Variants in ROBO1 observed in about 807,000 individuals in gnomAD.
ROBO1 encodes the protein roundabout guidance receptor 1.
A neutral mutation model predicts 195.9 loss-of-function variants in ROBO1; 149 were observed. The observed-to-expected ratio is 0.76, with a 90% confidence interval of 0.67 to 0.87. The LOEUF is 0.87. ROBO1 is among the 40% of genes least tolerant of loss of function. ROBO1 has a pLI of 0.00. For missense variants in ROBO1, 1,933 were observed against 2,068.3 expected, an observed-to-expected ratio of 0.93 and a Z score of 1.27; for synonymous variants, 816 against 733.2, an observed-to-expected ratio of 1.11 and a Z score of -1.82.
intron 4 of ROBO1, among the ~76,000 whole-genome samples, chr3:78,923,879 T>C (rs1306324351): frequency 6.6e-6 from 1 of 152,124 alleles, no homozygotes; most frequent in Non-Finnish European, 1.5e-5. Flanking sequence ...TTATGTGGAA[T>C]GAATGAGCTA....
At chr3:79,113,379 G>A (rs917585604) in intron 3 of ROBO1, among the ~76,000 whole-genome samples, 1 of 151,776 alleles carries the variant, frequency 6.6e-6, no homozygotes, top group Non-Finnish European at 1.5e-5. Context: ...CTGGCCCATT[G>A]AGTGAGGTTT....
chr3:78,601,749 C>A (rs1319328433), intron 29 of ROBO1, among the ~76,000 whole-genome samples: 2 of 152,260 alleles, frequency 1.3e-5, no homozygotes, highest in Middle Eastern at 3.4e-3. Context: ...CCACTGAAAT[C>A]TATTTATGCC....
intron 2 of ROBO1, among the ~76,000 whole-genome samples, chr3:79,407,094 G>T (rs770217838): frequency 3.5e-4 from 53 of 151,696 alleles, no homozygotes; most frequent in Non-Finnish European, 6.3e-4. Context: ...AATTTTTTGT[G>T]TGTGTGTATT....
intron 2 of ROBO1, among the ~76,000 whole-genome samples, chr3:79,408,292 A>G (rs2037631681): frequency 6.6e-6 from 1 of 151,930 alleles, no homozygotes; most frequent in South Asian, 2.1e-4. Context: ...ATAAGCAGAG[A>G]TTACATATAA....
chr3:78,717,758 CT>C lies in ROBO1; in HGVS notation c.778+4del. 6.2e-7 allele frequency: 1 copy of C among 1,611,744 alleles called. No individual in the cohort carries two copies. The highest frequency in any genetic ancestry group is 8.5e-7 in the Non-Finnish European group (1 of 1,178,960). On this transcript the variant is annotated splice_donor_region_variant and intron_variant, in intron 6 of 30. Transcript: ENST00000464233. The stretch of plus-strand genomic sequence containing the variant: ...AATGAGAAGATTAAATAAAATTACA[CT>C]TACCTAAGACAGTCAGCTCGGCTAC...
chr3:79,476,692 C>T (rs1201162593), intron 2 of ROBO1, among the ~76,000 whole-genome samples: 1 of 151,724 alleles, frequency 6.6e-6, no homozygotes, highest in Non-Finnish European at 1.5e-5. Flanking sequence ...TGTTCTCACT[C>T]ATAAGTGGAA....
chr3:79,557,610 G>T (rs12714480), intron 2 of ROBO1, among the ~76,000 whole-genome samples: 36,254 of 150,454 alleles, frequency 0.24, 4,998 homozygotes, highest in African/African-American at 0.37. Flanking sequence ...AGTAAACGCC[G>T]GTAATCCTAG....
At chr3:79,252,333 T>C (rs536947219) in intron 2 of ROBO1, among the ~76,000 whole-genome samples, 1 of 152,222 alleles carries the variant, frequency 6.6e-6, no homozygotes, top group East Asian at 1.9e-4. Context: ...AGGGTAAGTG[T>C]CCTTATCTGG....
intron 4 of ROBO1, among the ~76,000 whole-genome samples, chr3:78,918,092 C>A (rs1364310729): frequency 6.6e-6 from 1 of 152,094 alleles, no homozygotes; most frequent in Non-Finnish European, 1.5e-5. Context: ...ATAAGTTAAA[C>A]ATGAAAACAT....
At chr3:79,761,940 T>C (rs1474768772) in intron 1 of ROBO1, among the ~76,000 whole-genome samples, 7 of 152,192 alleles carry the variant, frequency 4.6e-5, no homozygotes, top group African/African-American at 1.7e-4. Flanking sequence ...CCCCCATATA[T>C]TCTATTGTAG....
chr3:79,607,602 G>GTTTTTTTT (rs58634211), intron 1 of ROBO1, among the ~76,000 whole-genome samples: 3 of 147,622 alleles, frequency 2.0e-5, no homozygotes, highest in Non-Finnish European at 1.5e-5. Context: ...GTATTTCCAA[G>GTTTTTTTT]TTTTTTTTTT....
intron 2 of ROBO1, among the ~76,000 whole-genome samples, chr3:79,268,343 G>T (rs539975780): frequency 6.6e-6 from 1 of 151,460 alleles, no homozygotes; most frequent in Non-Finnish European, 1.5e-5. Context: ...TACTATAAAT[G>T]ATATTTAAAA....
At chr3:78,955,997 C>G (rs1017351308) in intron 3 of ROBO1, among the ~76,000 whole-genome samples, 1 of 152,026 alleles carries the variant, frequency 6.6e-6, no homozygotes, top group South Asian at 2.1e-4. Flanking sequence ...GGCTTTAGCT[C>G]TTGCAGATCC....
chr3:79,341,991 G>T (rs776549968), intron 2 of ROBO1, among the ~76,000 whole-genome samples: 15 of 152,098 alleles, frequency 9.9e-5, no homozygotes, highest in Non-Finnish European at 1.8e-4. Context: ...TTTATTACAT[G>T]TTGAGGGAAA....
chr3:78,840,678 C>G (rs1412541330), intron 4 of ROBO1, among the ~76,000 whole-genome samples: 1 of 152,152 alleles, frequency 6.6e-6, no homozygotes, highest in Non-Finnish European at 1.5e-5. Context: ...GAATATTAAA[C>G]TACAGTTAAC....
chr3:79,274,608 C>T (rs2030865157), intron 2 of ROBO1, among the ~76,000 whole-genome samples: 1 of 151,622 alleles, frequency 6.6e-6, no homozygotes, highest in Non-Finnish European at 1.5e-5. Flanking sequence ...CAAGAGCCAA[C>T]CCACCCAAAA....
Position 78,787,926 on chromosome 3 carries a change from C to CTTTTTTTTTT in ROBO1, c.500-41036_500-41027dup, listed in dbSNP as rs71127358. On this transcript the variant is annotated intron_variant, in intron 4 of 30. Transcript: ENST00000464233. ...CTGGCCACAGAGTTAGACCCCTTCT[C>CTTTTTTTTTT]TTTTTTTTTTTTTTTTTTTTTTTTT... Among the ~76,000 whole-genome samples, 65 of 71,718 alleles carry CTTTTTTTTTT rather than the reference C, an allele frequency of 9.1e-4. 7 individuals are homozygous for CTTTTTTTTTT. Among genetic ancestry groups the CTTTTTTTTTT allele is most frequent in the African/African-American group, 2.6e-3 (42 of 16,390 alleles). 47.0% of individuals were successfully genotyped at this position (71,718 alleles called of 152,430 possible).
At chr3:79,598,385 C>T (rs568372014) in intron 1 of ROBO1, among the ~76,000 whole-genome samples, 14 of 152,078 alleles carry the variant, frequency 9.2e-5, no homozygotes, top group Non-Finnish European at 1.8e-4. Context: ...ATAGAGCTAA[C>T]GTTCTGCTAT....
intron 1 of ROBO1, 131 bp from the exon 2 acceptor site, chr3:79,590,092 A>C (rs1273479896): frequency 2.0e-6 from 1 of 507,812 alleles, no homozygotes; most frequent in East Asian, 3.1e-5. Context: ...TTATTACATA[A>C]CTAAAATGAA....
Sources: allele counts gnomAD v4.1 joint callset (sites outside exome capture counted in the v4.1 genomes callset), GRCh38; gene constraint gnomAD v4.1.1; transcripts MANE v1.5; gene names NCBI Gene and HGNC (gene_info 2026-07-23, HGNC 2026-07-21).